Variants in THBS4 observed in about 807,000 individuals in gnomAD.
THBS4 encodes thrombospondin 4, also known as thrombospondin-4.
Under a neutral mutation model 115.7 loss-of-function variants are expected in THBS4, and 90 were observed. That is an observed-to-expected ratio of 0.78 (90% CI 0.66 to 0.93). THBS4 has a LOEUF of 0.93. THBS4 is among the 40% of genes least tolerant of loss of function. THBS4 has a pLI of 0.00. For synonymous variants in THBS4, 460 were observed against 479.3 expected, an observed-to-expected ratio of 0.96 and a Z score of 0.53; for missense variants, 1,087 against 1,232.7, an observed-to-expected ratio of 0.88 and a Z score of 1.77.
chr5:80,075,451 G>T (rs1199214898), intron 15 of THBS4: 3 of 152,206 alleles, frequency 2.0e-5, no homozygotes, highest in Non-Finnish European at 4.4e-5. Context: ...CACAGTACAA[G>T]GAAAGGCACA....
rs374302487 is a variant in THBS4 at position 79,994,798 on chromosome 5, T to G, written n.81+3386T>G. ...ATGTTCAAGCTTTTAGAGGCACAGT[T>G]GATGAAACAAGGCCCACATATTTGA... On this transcript the variant is annotated intron_variant and non_coding_transcript_variant, in intron 1 of 3. Coordinates refer to the THBS4 transcript ENST00000510218. Among the ~76,000 whole-genome samples, 28 of 152,350 alleles carry G rather than the reference T, an allele frequency of 1.8e-4. No homozygotes were observed. The East Asian group carries it at 2.5e-3, about 14-fold the overall frequency.
chr5:80,032,668 G>A (rs182935234), upstream of THBS4, among the ~76,000 whole-genome samples: 9 of 152,322 alleles, frequency 5.9e-5, no homozygotes, highest in African/African-American at 2.2e-4. Context: ...TAATGTTTGC[G>A]GGCAGGAAGC....
In THBS4 at chr5:80,061,803, G is replaced by A. The variant is rs199902285; in HGVS notation, c.1096G>A (p.Gly366Arg). The A allele has an allele frequency of 1.2e-6, 2 of 1,612,772 alleles. No homozygotes were observed. The highest frequency in any genetic ancestry group is 2.2e-5 in the East Asian group (1 of 44,848). The change falls in exon 8 of 22, where the codon GGG (glycine) becomes AGG (arginine). Residue 366 changes from glycine (G) to arginine (R), a missense_variant. Physicochemically the swap from Gly to Arg is moderately radical, Grantham distance 125 (BLOSUM62 -2). Around this residue, in one of 3 missense-constraint regions of THBS4, gnomAD observed 979 missense variants for 1,103.7 expected, o/e 0.89. Transcript: ENST00000350881. ...GFTGPMVQGV[G>R]ISFAKSNKQV... Reference sequence around the variant, plus strand: ...CACAGGGCCCATGGTGCAGGGTGTTGGGATCAGTTTTGCCAAGTCAAACAA... The same window carrying A: ...CACAGGGCCCATGGTGCAGGGTGTTAGGATCAGTTTTGCCAAGTCAAACAA...
At chr5:80,015,164 G>C (rs1450672605) in intron 2 of THBS4, among the ~76,000 whole-genome samples, 1 of 152,102 alleles carries the variant, frequency 6.6e-6, no homozygotes, top group African/African-American at 2.4e-5. Context: ...ATGAAGCAAG[G>C]AAAAAAGGTG....
intron 19 of THBS4, 44 bp from the exon 20 acceptor site, chr5:80,079,861 G>C: frequency 6.3e-7 from 1 of 1,588,894 alleles, no homozygotes; most frequent in Middle Eastern, 1.7e-4. Context: ...AGGAAGGGTG[G>C]TGCCTGTGTC....
intron 2 of THBS4, among the ~76,000 whole-genome samples, chr5:80,023,388 A>G (rs1832416585): frequency 1.3e-5 from 2 of 152,202 alleles, no homozygotes; most frequent in Non-Finnish European, 2.9e-5. Flanking sequence ...GAAATCACTC[A>G]TTCTACTTGT....
At position 80,068,063 on chromosome 5, in the gene THBS4, C is replaced by T; in HGVS notation, c.1285C>T (p.Leu429=). The part of the protein sequence containing the change: ...KAERNCRNPE[L]NPCSVNAQCI... Reference sequence around the variant, plus strand: ...GGAAAGAAACTGCAGAAACCCAGAGCTGAACCCTTGCAGTGTGAATGCCCA... The same window carrying T: ...GGAAAGAAACTGCAGAAACCCAGAGTTGAACCCTTGCAGTGTGAATGCCCA... The change falls in exon 10 of 22, where the codon CTG becomes TTG. Residue 429 remains leucine (L), a synonymous_variant. Coordinates refer to ENST00000350881, the MANE Select transcript of THBS4 (RefSeq NM_003248.6). 1 of 1,614,210 alleles carries T rather than the reference C, an allele frequency of 6.2e-7. No homozygotes were observed. The highest frequency in any genetic ancestry group is 8.5e-7 in the Non-Finnish European group (1 of 1,180,026).
chr5:80,079,282 A>G (rs1413746146), intron 19 of THBS4, 24 bp downstream of exon 19: 1 of 1,571,442 alleles, frequency 6.4e-7, no homozygotes, highest in African/African-American at 1.4e-5. Flanking sequence ...GAAGTCATTC[A>G]TCTCCCTTTC....
At chr5:80,022,042 TCA>T (rs1396132288) in intron 2 of THBS4, among the ~76,000 whole-genome samples, 1 of 152,158 alleles carries the variant, frequency 6.6e-6, no homozygotes, top group African/African-American at 2.4e-5. Context: ...TCCTGATGTC[TCA>T]GTTTTCTATG....
chr5:80,079,345 G>GCATAAATGCA, intron 19 of THBS4, 87 bp downstream of exon 19: 1 of 1,401,242 alleles, frequency 7.1e-7, no homozygotes, highest in Non-Finnish European at 9.5e-7. Context: ...GTGGTACTTA[G>GCATAAATGCA]TTAATCTAAA....
chr5:80,053,764 C>T (rs998245234), intron 2 of THBS4, among the ~76,000 whole-genome samples: 1 of 152,146 alleles, frequency 6.6e-6, no homozygotes, highest in Admixed American at 6.5e-5. Flanking sequence ...CAGGGTTTCA[C>T]CTTATTGGTC....
At chr5:80,056,267 A>G (rs1374068313) in intron 3 of THBS4, among the ~76,000 whole-genome samples, 1 of 152,174 alleles carries the variant, frequency 6.6e-6, no homozygotes, top group Non-Finnish European at 1.5e-5. Context: ...GCATCAGCAT[A>G]TTTTTAAAAT....
intron 2 of THBS4, among the ~76,000 whole-genome samples, chr5:80,009,189 T>A (rs1370051141): frequency 1.3e-5 from 2 of 152,218 alleles, no homozygotes. Flanking sequence ...GTACAGAGTC[T>A]GCTGATTTCT....
At chr5:80,010,980 G>A (rs1278547196) in intron 2 of THBS4, among the ~76,000 whole-genome samples, 1 of 152,206 alleles carries the variant, frequency 6.6e-6, no homozygotes. Flanking sequence ...GCATTGATAT[G>A]GTTTGGCTGT....
intron 9 of THBS4, 71 bp from the exon 10 acceptor site, chr5:80,067,902 A>T (rs1190642704): frequency 1.3e-5 from 20 of 1,561,404 alleles, no homozygotes; most frequent in Middle Eastern, 2.1e-4. Flanking sequence ...ATACACAATA[A>T]CTGTACCTTT....
chr5:80,017,998 A>G (rs895620149), intron 2 of THBS4, among the ~76,000 whole-genome samples: 1 of 152,034 alleles, frequency 6.6e-6, no homozygotes, highest in Admixed American at 6.6e-5. Context: ...TTTAAGATAG[A>G]TCCTCTCTTT....
intron 9 of THBS4, 127 bp downstream of exon 9, chr5:80,065,604 A>G: frequency 1.3e-6 from 1 of 759,280 alleles, no homozygotes; most frequent in Non-Finnish European, 2.0e-6. Flanking sequence ...TGGCAGAATA[A>G]AGGCAAAAGT....
intron 9 of THBS4, 58 bp from the exon 10 acceptor site, chr5:80,067,915 T>TCAAACTGTACCTTTGCC (rs1459933163): frequency 3.8e-6 from 6 of 1,588,476 alleles, no homozygotes; most frequent in Non-Finnish European, 5.1e-6. Flanking sequence ...GTACCTTTGC[T>TCAAACTGTACCTTTGCC]CAAACTGTAC....
At position 80,059,689 on chromosome 5, in the gene THBS4, T is replaced by C. The variant is rs553832568; in HGVS notation, c.785-14T>C. 1.2e-6 allele frequency: 2 copies of C among 1,613,118 alleles called. No individual in the cohort carries two copies. The highest frequency in any genetic ancestry group is 2.7e-5 in the African/African-American group (2 of 75,012). ...TGGCGGTGAATACGCCTGTGGATGATTGTTTTTCTCTAGGTCCTCTCAAGT... is the reference window on the plus strand; with the variant it reads ...TGGCGGTGAATACGCCTGTGGATGACTGTTTTTCTCTAGGTCCTCTCAAGT... On this transcript the variant is annotated splice_polypyrimidine_tract_variant and intron_variant, in intron 6 of 21. Transcript: ENST00000350881.
Sources: allele counts gnomAD v4.1 joint callset (sites outside exome capture counted in the v4.1 genomes callset), GRCh38; gene constraint gnomAD v4.1.1; regional missense constraint gnomAD v4.1.1; transcripts MANE v1.5; gene names NCBI Gene and HGNC (gene_info 2026-07-23, HGNC 2026-07-21).